RB1CC1: variants seen among roughly 807,000 people sequenced by gnomAD.
RB1CC1 encodes the protein RB1 inducible coiled-coil 1.
In RB1CC1, 46 loss-of-function variants were observed where a neutral mutation model predicts 177.5. The observed-to-expected ratio is 0.26, with a 90% CI of 0.20 to 0.33. The LOEUF (loss-of-function observed/expected upper bound fraction) is 0.33, where lower values mean the gene tolerates loss of function less well. RB1CC1 is among the 10% of genes least tolerant of loss of function. The pLI is 1.00. For missense variants in RB1CC1, 1,703 were observed against 1,816.3 expected (o/e 0.94, Z 1.13); for synonymous variants, 666 against 613.6 (o/e 1.09, Z -1.26).
Position 52,714,063 on chromosome 8 carries a change from G to A in RB1CC1, c.-167+12C>T, listed in dbSNP as rs1367959338. 8.5e-6 allele frequency: 3 copies of A among 351,314 alleles called. No individual in the cohort carries two copies. Among genetic ancestry groups the A allele is most frequent in the Non-Finnish European group, 1.7e-5 (3 of 175,986 alleles). 21.8% of individuals were successfully genotyped at this position (351,314 alleles called of 1,614,324 possible). ...GATGGGGGAAGGGGACGCGGGCGGC[G>A]GCGACACTTACCCGGCAACGCCTCC... is the stretch of plus-strand genomic sequence containing the variant. On this transcript the variant is annotated intron_variant, in intron 1 of 23. Coordinates refer to ENST00000025008, the MANE Select transcript of RB1CC1 (RefSeq NM_014781.5).
In RB1CC1 at chr8:52,694,156, G is replaced by GAC. The variant is rs1281403201; in HGVS notation, c.-166-7191_-166-7190dup. ...GCATCCTCACACACTTCACTCCCAG[G>GAC]ACACACACTGGGGCCACCTTCAAAT... is the stretch of plus-strand genomic sequence containing the variant. On this transcript the variant is annotated intron_variant, in intron 1 of 23. Coordinates refer to ENST00000025008, the MANE Select transcript of RB1CC1 (RefSeq NM_014781.5). Among the ~76,000 whole-genome samples the GAC allele has an allele frequency of 2.0e-5, 3 of 152,100 alleles. No homozygotes were observed. In the East Asian group the frequency reaches 5.8e-4, roughly 30 times the overall value.
intron 7 of RB1CC1, among the ~76,000 whole-genome samples, chr8:52,673,623 A>T (rs1229875458): frequency 6.6e-6 from 1 of 152,224 alleles, no homozygotes; most frequent in Non-Finnish European, 1.5e-5. Flanking sequence ...TTATTGCACT[A>T]GAAATTTTTC....
chr8:52,708,426 A>G lies in RB1CC1; in HGVS notation c.-167+5649T>C, dbSNP rs545667624. Among the ~76,000 whole-genome samples, 3 of 152,284 alleles carry G rather than the reference A, an allele frequency of 2.0e-5. No individual in the cohort carries two copies. In the South Asian group the frequency reaches 6.2e-4, roughly 32 times the overall value. ...CAGCTGCTTGGGAGGCTGAGGTGGGAGAATGGCGTGAACCCAGGAGGCGGA... is the reference window on the plus strand; with the variant it reads ...CAGCTGCTTGGGAGGCTGAGGTGGGGGAATGGCGTGAACCCAGGAGGCGGA... On this transcript the variant is annotated intron_variant, in intron 1 of 23. Transcript: ENST00000025008.
intron 1 of RB1CC1, among the ~76,000 whole-genome samples, chr8:52,712,488 G>GC (rs1857137989): frequency 8.7e-6 from 1 of 114,780 alleles, no homozygotes. Context: ...GTGTTTGGCA[G>GC]CAAGAGCCAA....
rs759784513 is a variant in RB1CC1 at position 52,661,091 on chromosome 8, A to G, written c.1545+4T>C. On this transcript the variant is annotated splice_donor_region_variant and intron_variant, in intron 10 of 23. Coordinates refer to ENST00000025008, the MANE Select transcript of RB1CC1 (RefSeq NM_014781.5). ...ACAGTTAAAATAGAATTCAACTTGC[A>G]TACCTCCCTGTAGTGTTTTATGAAC... is the stretch of plus-strand genomic sequence containing the variant. 6.2e-6 allele frequency: 10 copies of G among 1,612,018 alleles called. No individual in the cohort carries two copies. The highest frequency in any genetic ancestry group is 7.6e-6 in the Non-Finnish European group (9 of 1,179,200).
At chr8:52,667,012 C>G (rs1852125087) in intron 8 of RB1CC1, among the ~76,000 whole-genome samples, 1 of 152,104 alleles carries the variant, frequency 6.6e-6, no homozygotes, top group Admixed American at 6.6e-5. Flanking sequence ...ACCACAGATT[C>G]AAGATGCACT....
At chr8:52,649,512 C>T (rs1456393051) in intron 15 of RB1CC1, among the ~76,000 whole-genome samples, 1 of 152,106 alleles carries the variant, frequency 6.6e-6, no homozygotes, top group East Asian at 1.9e-4. Flanking sequence ...GCCTAGTAAA[C>T]AATTAGTTCA....
chr8:52,632,661 C>G (rs915905492), intron 20 of RB1CC1, among the ~76,000 whole-genome samples: 4 of 152,096 alleles, frequency 2.6e-5, no homozygotes, highest in African/African-American at 9.7e-5. Flanking sequence ...CTCTCTGGGT[C>G]TGAAAGACAA....
intron 18 of RB1CC1, among the ~76,000 whole-genome samples, chr8:52,639,697 T>C (rs903513266): frequency 6.6e-6 from 1 of 152,186 alleles, no homozygotes; most frequent in African/African-American, 2.4e-5. Flanking sequence ...ATTATATCAA[T>C]TGTCATTTCA....
At chr8:52,705,865 T>C (rs1218815804) in intron 1 of RB1CC1, among the ~76,000 whole-genome samples, 1 of 152,164 alleles carries the variant, frequency 6.6e-6, no homozygotes, top group Non-Finnish European at 1.5e-5. Context: ...TACACAACCC[T>C]ATAAGGTATC....
At chr8:52,699,830 A>AAAATATATATAT (rs1554557119) in intron 1 of RB1CC1, among the ~76,000 whole-genome samples, 1 of 26,702 alleles carries the variant, frequency 3.7e-5, no homozygotes, top group Non-Finnish European at 7.6e-5. Context: ...AAAAAAAAAA[A>AAAATATATATAT]ATATATATAT....
intron 1 of RB1CC1, among the ~76,000 whole-genome samples, chr8:52,711,756 A>G (rs1458307324): frequency 6.6e-6 from 1 of 152,256 alleles, no homozygotes; most frequent in African/African-American, 2.4e-5. Context: ...CTGAATATGT[A>G]GAGCCCCACA....
chr8:52,659,167 C>T (rs1050259583), intron 12 of RB1CC1, among the ~76,000 whole-genome samples, 191 bp from the exon 13 acceptor site: 1 of 152,070 alleles, frequency 6.6e-6, no homozygotes. Flanking sequence ...TAGTAAACTG[C>T]GACGTGAACT....
In RB1CC1 at chr8:52,698,669, G is replaced by GTTTTTTTTTTTTTTTTTTTTT. The variant is rs1855693493; in HGVS notation, c.-166-11703_-166-11702insAAAAAAAAAAAAAAAAAAAAA. On this transcript the variant is annotated intron_variant, in intron 1 of 23. Transcript: ENST00000025008. ...AACAAAAACTGTATATGTAATGGTT[G>GTTTTTTTTTTTTTTTTTTTTT]GTTTTTTTTTTTTTTTTTTTTTTTT... Among the ~76,000 whole-genome samples, 2 of 22,770 alleles carry GTTTTTTTTTTTTTTTTTTTTT rather than the reference G, an allele frequency of 8.8e-5. 1 individual carries two copies. Among genetic ancestry groups the GTTTTTTTTTTTTTTTTTTTTT allele is most frequent in the Non-Finnish European group, 1.9e-4 (2 of 10,598 alleles). The allele number at this position is 22,770 out of a possible 152,430, so 14.9% of individuals were successfully genotyped here.
intron 15 of RB1CC1, among the ~76,000 whole-genome samples, chr8:52,649,541 CTCT>C (rs1850381341): frequency 6.6e-6 from 1 of 152,148 alleles, no homozygotes. Context: ...TCAAAAAAAT[CTCT>C]TCTATCACTT....
Position 52,673,970 on chromosome 8 carries a change from T to C in RB1CC1, c.877A>G (p.Thr293Ala), listed in dbSNP as rs141912810. 315 of 1,614,192 alleles carry C rather than the reference T, an allele frequency of 2.0e-4. 2 individuals are homozygous for C. In the African/African-American group the frequency reaches 3.6e-3, roughly 18 times the overall value. The change falls in exon 7 of 24, where the codon ACG becomes GCG. Residue 293 changes from threonine (T) to alanine (A), a missense_variant. Physicochemically the swap from Thr to Ala is moderately conservative, Grantham distance 58 (BLOSUM62 0). This residue lies in a region of RB1CC1 where 315 missense variants were observed against 304.9 expected (regional missense o/e 1.03). Transcript: ENST00000025008. ...QSTVHQQDET[T>A]IDTKDGDLPF... ...AGATCACCATCTTTAGTGTCAATCG[T>C]AGTTTCATCTTGCTGATGAACAGTA...
chr8:52,670,955 CAA>C (rs11444516), intron 7 of RB1CC1, among the ~76,000 whole-genome samples: 33 of 128,058 alleles, frequency 2.6e-4, no homozygotes, highest in South Asian at 2.5e-3. Flanking sequence ...GACTCCAACT[CAA>C]AAAAAAAAAA....
At chr8:52,625,544 A>G (rs996973505) in intron 22 of RB1CC1, among the ~76,000 whole-genome samples, 1 of 152,196 alleles carries the variant, frequency 6.6e-6, no homozygotes, top group Non-Finnish European at 1.5e-5. Flanking sequence ...TCAACTTATG[A>G]TAAGGTTATG....
chr8:52,629,533 T>C (rs1848616551), intron 21 of RB1CC1, among the ~76,000 whole-genome samples: 1 of 152,168 alleles, frequency 6.6e-6, no homozygotes, highest in South Asian at 2.1e-4. Context: ...GAAAGACCGG[T>C]TCAGGCCATG....
Sources: allele counts gnomAD v4.1 joint callset (sites outside exome capture counted in the v4.1 genomes callset), GRCh38; gene constraint gnomAD v4.1.1; regional missense constraint gnomAD v4.1.1; transcripts MANE v1.5; gene names NCBI Gene and HGNC (gene_info 2026-07-23, HGNC 2026-07-21).